The following SYNCRIP variants were observed in gnomAD, a reference collection of about 807,000 sequenced individuals.
SYNCRIP encodes the protein heterogeneous nuclear ribonucleoprotein Q.
SYNCRIP carries 9 observed loss-of-function variants against 68.9 expected under a neutral mutation model. The observed-to-expected ratio is 0.13, with a 90% CI of 0.08 to 0.23. The LOEUF is 0.23. Ranked by LOEUF, SYNCRIP falls within the 10% of genes least tolerant of loss-of-function variation. SYNCRIP has a pLI of 1.00. For missense variants in SYNCRIP, 414 were observed against 770.6 expected (o/e 0.54, Z 5.48); for synonymous variants, 258 against 254.0 (o/e 1.02, Z -0.15).
Position 85,622,772 on chromosome 6 carries a change from TTAAATATCAAAATGAAAA to T in SYNCRIP, c.803-103_803-86del, listed in dbSNP as rs947969538. On this transcript the variant is annotated intron_variant, in intron 7 of 10. Coordinates refer to ENST00000369622, the MANE Select transcript of SYNCRIP (RefSeq NM_006372.5). Reference sequence around the variant, plus strand: ...TCAAAGGATTTATCTAAGATACTACTTAAATATCAAAATGAAAAATCATCTCTTTCCTTCACTAGACAT... The same window carrying T: ...TCAAAGGATTTATCTAAGATACTACTATCATCTCTTTCCTTCACTAGACAT... 3 of 1,056,370 alleles carry T rather than the reference TTAAATATCAAAATGAAAA, an allele frequency of 2.8e-6. No homozygotes were observed. The African/African-American group carries it at 4.8e-5, about 17-fold the overall frequency. 65.4% of individuals were successfully genotyped at this position (1,056,370 alleles called of 1,614,324 possible). A position where few individuals can be genotyped will look rare whatever the true frequency, so the allele number is the denominator to read the frequency against.
chr6:85,622,417 C>G (rs1006119220), intron 8 of SYNCRIP, 65 bp downstream of exon 8: 13 of 1,403,498 alleles, frequency 9.3e-6, no homozygotes, highest in South Asian at 1.2e-5. Context: ...ATGTTCCCCC[C>G]ACCCCAACCC....
chr6:85,609,437 CTA>C (rs1403979675), downstream of SYNCRIP: 1 of 151,876 alleles, frequency 6.6e-6, no homozygotes, highest in African/African-American at 2.4e-5. Flanking sequence ...CAATCCATTT[CTA>C]TGTTGTTCCT....
At chr6:85,625,846 C>A (rs1002258830) in intron 6 of SYNCRIP, among the ~76,000 whole-genome samples, 8 of 152,236 alleles carry the variant, frequency 5.3e-5, no homozygotes, top group African/African-American at 1.9e-4. Context: ...TCCATGTTAA[C>A]ACAGACCAAC....
intron 4 of SYNCRIP, among the ~76,000 whole-genome samples, chr6:85,639,349 G>A (rs374323891): frequency 6.6e-6 from 1 of 152,144 alleles, no homozygotes; most frequent in African/African-American, 2.4e-5. Context: ...AATTACAATG[G>A]AGACAACTAT....
Position 85,614,488 on chromosome 6 carries a change from G to C in SYNCRIP, c.*268C>G. Reference sequence around the variant, plus strand: ...GTTGACACTACAGCCAAATGGACTTGAGCCAAATTTTCTCAAGCACAAATG... The same window carrying C: ...GTTGACACTACAGCCAAATGGACTTCAGCCAAATTTTCTCAAGCACAAATG... On this transcript the variant is annotated 3_prime_UTR_variant, in exon 11 of 11. Coordinates refer to ENST00000369622, the MANE Select transcript of SYNCRIP (RefSeq NM_006372.5). 2 of 1,151,392 alleles carry C rather than the reference G, an allele frequency of 1.7e-6. No individual in the cohort carries two copies. Among genetic ancestry groups the C allele is most frequent in the Middle Eastern group, 3.6e-4 (1 of 2,760 alleles). 71.3% of individuals were successfully genotyped at this position (1,151,392 alleles called of 1,614,324 possible).
intron 2 of SYNCRIP, 129 bp downstream of exon 2, chr6:85,641,163 A>C: frequency 1.4e-6 from 1 of 696,500 alleles, no homozygotes; most frequent in South Asian, 1.8e-5. Context: ...TAAATTAACC[A>C]ACTATCACAA....
downstream of SYNCRIP, chr6:85,609,572 CCTT>C (rs1407031149): frequency 6.6e-6 from 1 of 151,782 alleles, no homozygotes; most frequent in Non-Finnish European, 1.5e-5. Flanking sequence ...CTCAATTTTC[CCTT>C]CATTTTTAAC....
intron 10 of SYNCRIP, among the ~76,000 whole-genome samples, chr6:85,617,997 G>C (rs1353785108): frequency 3.3e-5 from 5 of 152,004 alleles, no homozygotes; most frequent in African/African-American, 9.7e-5. Context: ...ACACCTACTT[G>C]TTTTCTTATT....
At chr6:85,626,633 C>T (rs1807068861) in intron 6 of SYNCRIP, among the ~76,000 whole-genome samples, 1 of 152,070 alleles carries the variant, frequency 6.6e-6, no homozygotes, top group South Asian at 2.1e-4. Flanking sequence ...GAGGCAAAGG[C>T]AAGACAACAG....
At chr6:85,635,583 A>C (rs1374283857) in intron 6 of SYNCRIP, among the ~76,000 whole-genome samples, 1 of 152,024 alleles carries the variant, frequency 6.6e-6, no homozygotes, top group Non-Finnish European at 1.5e-5. Flanking sequence ...CAGCCTGGCC[A>C]ACATGGTGAA....
intron 10 of SYNCRIP, 98 bp downstream of exon 10, chr6:85,618,720 G>A: frequency 1.0e-6 from 1 of 1,002,478 alleles, no homozygotes; most frequent in Non-Finnish European, 1.5e-6. Flanking sequence ...TTAAAGAGAT[G>A]TTATGCATTT....
intron 7 of SYNCRIP, among the ~76,000 whole-genome samples, chr6:85,623,435 G>A (rs192698968): frequency 3.3e-5 from 5 of 151,162 alleles, no homozygotes; most frequent in African/African-American, 4.9e-5. Flanking sequence ...GTGGTGGTGC[G>A]CGCCTGTAAT....
chr6:85,615,540 T>A lies in SYNCRIP; in HGVS notation c.1281-193A>T, dbSNP rs914978131. Among the ~76,000 whole-genome samples, 2 of 152,218 alleles carry A rather than the reference T, an allele frequency of 1.3e-5. 1 individual carries two copies. The highest frequency in any genetic ancestry group is 4.1e-4 in the South Asian group (2 of 4,828). ...GAGGATCAGGATGACAATATAGGCA[T>A]CCCAAAATACCACAAATCTCTAGTT... is the stretch of plus-strand genomic sequence containing the variant. On this transcript the variant is annotated intron_variant, in intron 10 of 10. Transcript: ENST00000369622.
chr6:85,609,532 A>G (rs1473716572), downstream of SYNCRIP: 1 of 151,968 alleles, frequency 6.6e-6, no homozygotes, highest in Non-Finnish European at 1.5e-5. Flanking sequence ...AACTGCAATC[A>G]TGAGTGTACA....
chr6:85,631,648 G>A (rs1459400150), intron 6 of SYNCRIP, among the ~76,000 whole-genome samples: 1 of 152,172 alleles, frequency 6.6e-6, no homozygotes, highest in African/African-American at 2.4e-5. Flanking sequence ...GCAACAGATA[G>A]GACCTACTTC....
At chr6:85,612,328 T>C (rs1292396997), downstream of SYNCRIP, 5 of 152,186 alleles carry the variant, frequency 3.3e-5, no homozygotes, top group Admixed American at 6.5e-5. Context: ...AATGCCTGAC[T>C]AACCAGCTCT....
intron 6 of SYNCRIP, among the ~76,000 whole-genome samples, chr6:85,633,138 A>C (rs199646892): frequency 1.3e-5 from 2 of 151,422 alleles, no homozygotes; most frequent in Non-Finnish European, 2.9e-5. Flanking sequence ...TGCCTGTAGT[A>C]CCAGCTACTC....
chr6:85,614,627 G>T lies in SYNCRIP; in HGVS notation c.*129C>A. The stretch of plus-strand genomic sequence containing the variant: ...AGTGTGGCTTTGTTCGTGTCCAAGC[G>T]GATTGTTAAAATATATACATAAAGG... On this transcript the variant is annotated 3_prime_UTR_variant, in exon 11 of 11. Transcript: ENST00000369622. The T allele has an allele frequency of 7.5e-7, 1 of 1,341,310 alleles. No individual in the cohort carries two copies. The highest frequency in any genetic ancestry group is 9.6e-7 in the Non-Finnish European group (1 of 1,045,546). 83.1% of individuals were successfully genotyped at this position (1,341,310 alleles called of 1,614,324 possible).
chr6:85,641,584 C>G, intron 1 of SYNCRIP, 133 bp from the exon 2 acceptor site: 1 of 857,910 alleles, frequency 1.2e-6, no homozygotes, highest in Non-Finnish European at 1.7e-6. Flanking sequence ...AAAAGCCTTA[C>G]AGTCACTATC....
Sources: gnomAD v4.1 joint callset for allele counts (sites outside exome capture counted in the v4.1 genomes callset) on GRCh38, gnomAD v4.1.1 for gene constraint, MANE v1.5 for transcripts, NCBI Gene and HGNC (gene_info 2026-07-23, HGNC 2026-07-21) for gene names.